Variants in KCNIP1 observed in about 807,000 individuals in gnomAD.
The protein encoded by KCNIP1 is potassium voltage-gated channel interacting protein 1.
In KCNIP1, 18 loss-of-function variants were observed where a neutral mutation model predicts 33.0. The observed-to-expected ratio is 0.55, with a 90% CI of 0.38 to 0.81. The LOEUF (loss-of-function observed/expected upper bound fraction) is 0.81, where lower values mean the gene tolerates loss of function less well. Ranked by LOEUF, KCNIP1 falls within the 30% of genes least tolerant of loss-of-function variation. The pLI is 0.00. For synonymous variants in KCNIP1, 93 were observed against 98.3 expected, an observed-to-expected ratio of 0.95 and a Z score of 0.32; for missense variants, 238 against 271.6, an observed-to-expected ratio of 0.88 and a Z score of 0.87.
chr5:170,491,261 TGAATGAATGAA>T lies in KCNIP1; in HGVS notation c.88+137320_88+137330del, dbSNP rs991129871. ...TGAATATCAATGGTAGATGAATGAA[TGAATGAATGAA>T]GAATGAATGAAGAATGAATGAATGA... On this transcript the variant is annotated intron_variant, in intron 1 of 7. Coordinates refer to the KCNIP1 transcript ENST00000377360. Among the ~76,000 whole-genome samples, 504 of 152,266 alleles carry T rather than the reference TGAATGAATGAA, an allele frequency of 3.3e-3. 3 individuals are homozygous for T. The highest frequency in any genetic ancestry group is 8.6e-3 in the African/African-American group (357 of 41,542).
chr5:170,417,658 A>G (rs1304889372), intron 1 of KCNIP1, among the ~76,000 whole-genome samples: 1 of 152,166 alleles, frequency 6.6e-6, no homozygotes, highest in East Asian at 1.9e-4. Context: ...GTATACAGAT[A>G]GTAAAAGCTC....
intron 1 of KCNIP1, among the ~76,000 whole-genome samples, chr5:170,601,781 C>G (rs1758697066): frequency 6.6e-6 from 1 of 152,184 alleles, no homozygotes; most frequent in Admixed American, 6.5e-5. Context: ...GTGCTTTGCA[C>G]TGTAACGGAG....
intron 1 of KCNIP1, among the ~76,000 whole-genome samples, chr5:170,627,791 G>A (rs998013671): frequency 2.0e-5 from 3 of 152,206 alleles, no homozygotes; most frequent in Non-Finnish European, 4.4e-5. Flanking sequence ...GCCCACCAGG[G>A]CCCAGACTGG....
chr5:170,436,469 G>A (rs773669142), intron 1 of KCNIP1, among the ~76,000 whole-genome samples: 1 of 152,220 alleles, frequency 6.6e-6, no homozygotes, highest in Non-Finnish European at 1.5e-5. Context: ...TCGCCCATCC[G>A]GCTCAGTGGT....
intron 1 of KCNIP1, among the ~76,000 whole-genome samples, chr5:170,689,807 C>T (rs376060060): frequency 1.4e-4 from 21 of 152,288 alleles, no homozygotes; most frequent in African/African-American, 4.8e-4. Flanking sequence ...ATGTCAAAGA[C>T]GAAGATTGGA....
At chr5:170,702,025 A>G (rs1299912771) in intron 1 of KCNIP1, among the ~76,000 whole-genome samples, 1 of 152,218 alleles carries the variant, frequency 6.6e-6, no homozygotes, top group South Asian at 2.1e-4. Context: ...TCATGTAACC[A>G]AACACCAGCG....
chr5:170,383,336 C>A (rs1005174053), intron 1 of KCNIP1: 25 of 567,848 alleles, frequency 4.4e-5, no homozygotes, highest in Non-Finnish European at 2.5e-5. Flanking sequence ...TGAGTGCCCA[C>A]TATCCACTCA....
At chr5:170,645,376 A>C (rs1160689807) in intron 1 of KCNIP1, among the ~76,000 whole-genome samples, 3 of 152,216 alleles carry the variant, frequency 2.0e-5, no homozygotes, top group Admixed American at 2.0e-4. Flanking sequence ...AGGGATAAGG[A>C]TGGATATTAC....
intron 1 of KCNIP1, among the ~76,000 whole-genome samples, chr5:170,601,993 C>T (rs1400521306): frequency 6.6e-6 from 1 of 152,120 alleles, no homozygotes; most frequent in Non-Finnish European, 1.5e-5. Context: ...AATGACACCG[C>T]CCCAGGCTCT....
intron 1 of KCNIP1, among the ~76,000 whole-genome samples, chr5:170,688,168 A>C (rs1372810756): frequency 6.6e-6 from 1 of 152,212 alleles, no homozygotes; most frequent in Non-Finnish European, 1.5e-5. Flanking sequence ...GGCACAGAGA[A>C]GTTAAGCCAC....
At chr5:170,611,002 T>A (rs1166899897) in intron 1 of KCNIP1, among the ~76,000 whole-genome samples, 1 of 152,186 alleles carries the variant, frequency 6.6e-6, no homozygotes, top group African/African-American at 2.4e-5. Flanking sequence ...GGAAACTGAG[T>A]TCCCCCCAAA....
At chr5:170,650,441 T>C (rs1229638123) in intron 1 of KCNIP1, among the ~76,000 whole-genome samples, 4 of 152,220 alleles carry the variant, frequency 2.6e-5, no homozygotes, top group East Asian at 3.9e-4. Flanking sequence ...TGCATTCTTG[T>C]CTGGCTTCTT....
chr5:170,555,799 A>T (rs1756823547), intron 1 of KCNIP1, among the ~76,000 whole-genome samples: 1 of 152,188 alleles, frequency 6.6e-6, no homozygotes, highest in South Asian at 2.1e-4. Flanking sequence ...GGGAAAACCG[A>T]GGCAGCCTCG....
intron 5 of KCNIP1, among the ~76,000 whole-genome samples, chr5:170,731,693 CAAAAAAA>C (rs1162447420): frequency 1.0e-5 from 1 of 96,774 alleles, no homozygotes; most frequent in Non-Finnish European, 2.1e-5. Context: ...GAACCTGTCT[CAAAAAAA>C]AAAAAAAAGA....
intron 1 of KCNIP1, among the ~76,000 whole-genome samples, chr5:170,447,521 C>T (rs1469302201): frequency 2.0e-5 from 3 of 152,198 alleles, no homozygotes; most frequent in South Asian, 2.1e-4. Context: ...CACAGGACCC[C>T]GTTTGTGAAG....
intron 1 of KCNIP1, among the ~76,000 whole-genome samples, chr5:170,407,883 G>A (rs1300401237): frequency 8.0e-6 from 1 of 124,260 alleles, no homozygotes; most frequent in African/African-American, 3.3e-5. Flanking sequence ...TAGTGACAGT[G>A]ACCTTCAAAC....
chr5:170,561,302 C>A (rs1757027273), intron 1 of KCNIP1, among the ~76,000 whole-genome samples: 1 of 152,130 alleles, frequency 6.6e-6, no homozygotes, highest in Admixed American at 6.5e-5. Context: ...CCTGCTGGGA[C>A]CACCAGCTCA....
intron 1 of KCNIP1, among the ~76,000 whole-genome samples, chr5:170,536,916 A>T (rs188873203): frequency 5.9e-5 from 9 of 152,352 alleles, no homozygotes; most frequent in African/African-American, 2.2e-4. Flanking sequence ...TTGCTGGATT[A>T]AGGAGTGGAG....
intron 1 of KCNIP1, among the ~76,000 whole-genome samples, chr5:170,607,847 C>T (rs1369580617): frequency 2.0e-5 from 3 of 152,186 alleles, no homozygotes; most frequent in Admixed American, 1.3e-4. Flanking sequence ...CTTCCAGCCA[C>T]AGGATGTGTG....
Sources: allele counts gnomAD v4.1 joint callset (sites outside exome capture counted in the v4.1 genomes callset), GRCh38; gene constraint gnomAD v4.1.1; transcripts MANE v1.5; gene names NCBI Gene and HGNC (gene_info 2026-07-23, HGNC 2026-07-21).